The following CAMTA1 variants were observed in gnomAD, a reference collection of about 807,000 sequenced individuals.
CAMTA1 encodes calmodulin binding transcription activator 1, also known as calmodulin-binding transcription activator 1.
Under a neutral mutation model 170.9 loss-of-function variants are expected in CAMTA1, and 27 were observed. The ratio of observed to expected loss-of-function variants is 0.16; its 90% CI spans 0.12 to 0.22. The LOEUF is 0.22. Among genes scored for constraint, CAMTA1 ranks in the 10% least tolerant of loss-of-function variants. CAMTA1 has a pLI of 1.00. For synonymous variants in CAMTA1, 833 were observed against 891.5 expected (o/e 0.93, Z 1.17); for missense variants, 1,619 against 2,217.2 (o/e 0.73, Z 5.42).
At chr1:6,844,928 A>G (rs1408353654) in intron 3 of CAMTA1, among the ~76,000 whole-genome samples, 1 of 152,206 alleles carries the variant, frequency 6.6e-6, no homozygotes, top group Non-Finnish European at 1.5e-5. Context: ...TCAGGGAAGC[A>G]GAACCACTGT....
intron 6 of CAMTA1, among the ~76,000 whole-genome samples, chr1:7,487,808 C>A (rs754870622): frequency 1.3e-5 from 2 of 152,174 alleles, no homozygotes; most frequent in African/African-American, 2.4e-5. Context: ...CCTTGTCTGT[C>A]CTTCACCCTG....
intron 3 of CAMTA1, among the ~76,000 whole-genome samples, chr1:6,872,592 C>G (rs1259193108): frequency 6.6e-6 from 1 of 152,166 alleles, no homozygotes; most frequent in African/African-American, 2.4e-5. Flanking sequence ...CTGGTAGTCT[C>G]AATACCAGAT....
intron 3 of CAMTA1, among the ~76,000 whole-genome samples, chr1:7,076,335 A>G (rs992142928): frequency 2.6e-5 from 4 of 152,178 alleles, no homozygotes; most frequent in African/African-American, 7.2e-5. Context: ...TGGCTTTGAC[A>G]TTATTGCATC....
chr1:7,668,028 A>G (rs2096016810), intron 9 of CAMTA1, among the ~76,000 whole-genome samples: 2 of 151,962 alleles, frequency 1.3e-5, no homozygotes, highest in African/African-American at 4.8e-5. Flanking sequence ...AGGAGAGAGC[A>G]CCTTCTCTCT....
At chr1:7,514,978 C>G (rs182686781) in intron 6 of CAMTA1, among the ~76,000 whole-genome samples, 1 of 152,302 alleles carries the variant, frequency 6.6e-6, no homozygotes, top group Non-Finnish European at 1.5e-5. Context: ...TGGGCTCCCT[C>G]CACCCAGGAT....
chr1:6,816,338 A>G (rs2148408049), intron 1 of CAMTA1, among the ~76,000 whole-genome samples: 1 of 152,268 alleles, frequency 6.6e-6, no homozygotes, highest in South Asian at 2.1e-4. Context: ...CCCCACTAGA[A>G]TGTATCTCCA....
chr1:6,928,138 G>C (rs1232316894), intron 3 of CAMTA1, among the ~76,000 whole-genome samples: 1 of 152,188 alleles, frequency 6.6e-6, no homozygotes, highest in Non-Finnish European at 1.5e-5. Flanking sequence ...GGGAGAACTC[G>C]GTGATCTGAA....
intron 5 of CAMTA1, among the ~76,000 whole-genome samples, chr1:7,329,609 C>T (rs925985547): frequency 6.6e-6 from 1 of 152,162 alleles, no homozygotes; most frequent in Non-Finnish European, 1.5e-5. Context: ...GTCCATTTCT[C>T]CCTGAAAGCT....
At chr1:7,728,488 A>G (rs1209504944) in intron 11 of CAMTA1, among the ~76,000 whole-genome samples, 1 of 152,224 alleles carries the variant, frequency 6.6e-6, no homozygotes, top group Admixed American at 6.5e-5. Context: ...AGTGCTCTGG[A>G]ACAAGTGAAA....
intron 6 of CAMTA1, among the ~76,000 whole-genome samples, chr1:7,518,999 A>T (rs1534222): frequency 1.3e-5 from 2 of 151,756 alleles, no homozygotes; most frequent in Admixed American, 1.3e-4. Context: ...AGAGCAAGGC[A>T]GTTCTCAAGG....
chr1:7,498,061 T>G (rs1575628361), intron 6 of CAMTA1, among the ~76,000 whole-genome samples: 3 of 142,406 alleles, frequency 2.1e-5, no homozygotes, highest in Non-Finnish European at 3.1e-5. Context: ...AAAGAGGGGG[T>G]GAGAGTGGGG....
At chr1:7,737,048 TC>T (rs1377727848) in intron 14 of CAMTA1, 39 bp downstream of exon 14, 1 of 1,518,098 alleles carries the variant, frequency 6.6e-7, no homozygotes, top group Non-Finnish European at 9.1e-7. Context: ...TTGCTGTTCT[TC>T]CAGTCTGGCA....
intron 3 of CAMTA1, among the ~76,000 whole-genome samples, chr1:6,958,064 A>C (rs1364209530): frequency 6.6e-6 from 1 of 152,144 alleles, no homozygotes. Context: ...GTCTTTCGTG[A>C]ACAAAACCCA....
chr1:7,124,313 T>C lies in CAMTA1; in HGVS notation c.302+32942T>C, dbSNP rs570046759. Among the ~76,000 whole-genome samples, 1,134 of 152,238 alleles carry C rather than the reference T, an allele frequency of 7.4e-3. 14 individuals are homozygous for C. The highest frequency in any genetic ancestry group is 0.011 in the Non-Finnish European group (736 of 68,006). On this transcript the variant is annotated intron_variant, in intron 4 of 22. Coordinates refer to ENST00000303635, the MANE Select transcript of CAMTA1 (RefSeq NM_015215.4). ...TCCCACCGTAGGTGCTACCGACGGGTGCAGCATCCTCCCTGCACACACACT... is the reference window on the plus strand; with the variant it reads ...TCCCACCGTAGGTGCTACCGACGGGCGCAGCATCCTCCCTGCACACACACT...
At chr1:7,754,477 A>G (rs2096918226) in intron 21 of CAMTA1, among the ~76,000 whole-genome samples, 1 of 152,118 alleles carries the variant, frequency 6.6e-6, no homozygotes, top group South Asian at 2.1e-4. Context: ...ACTTTGGGAG[A>G]GTTAAGAGAA....
intron 3 of CAMTA1, among the ~76,000 whole-genome samples, chr1:7,045,508 TCTTTAAA>T (rs1376032637): frequency 6.6e-6 from 1 of 152,252 alleles, no homozygotes; most frequent in Admixed American, 6.5e-5. Flanking sequence ...AACCTCAAAC[TCTTTAAA>T]CTTTATATAT....
intron 6 of CAMTA1, among the ~76,000 whole-genome samples, chr1:7,517,801 G>A (rs761671098): frequency 2.6e-4 from 40 of 151,942 alleles, no homozygotes; most frequent in Non-Finnish European, 4.0e-4. Flanking sequence ...ATGTACTTTC[G>A]GAGTACACCC....
At chr1:7,217,272 A>C (rs996897409) in intron 4 of CAMTA1, among the ~76,000 whole-genome samples, 1 of 152,170 alleles carries the variant, frequency 6.6e-6, no homozygotes, top group Non-Finnish European at 1.5e-5. Context: ...AAGTGTTTGC[A>C]TCCTCTTCTG....
At chr1:7,298,612 C>G (rs1208284850) in intron 5 of CAMTA1, among the ~76,000 whole-genome samples, 7 of 152,122 alleles carry the variant, frequency 4.6e-5, no homozygotes, top group Admixed American at 6.6e-5. Flanking sequence ...CCCCAGGTTA[C>G]CAAGGTCTCT....
Sources: allele counts gnomAD v4.1 joint callset (sites outside exome capture counted in the v4.1 genomes callset), GRCh38; gene constraint gnomAD v4.1.1; transcripts MANE v1.5; gene names NCBI Gene and HGNC (gene_info 2026-07-23, HGNC 2026-07-21).